USH2A: variants seen among roughly 807,000 people sequenced by gnomAD.
The protein encoded by USH2A is Usher syndrome 2A (autosomal recessive, mild).
Under a neutral mutation model 538.9 loss-of-function variants are expected in USH2A, and 443 were observed. The observed-to-expected ratio is 0.82, with a 90% confidence interval of 0.76 to 0.89. The LOEUF (loss-of-function observed/expected upper bound fraction) is 0.89. Ranked by LOEUF, USH2A falls within the 40% of genes least tolerant of loss-of-function variation. USH2A has a pLI of 0.00. For missense variants in USH2A, 6,633 were observed against 6,324.8 expected (o/e 1.05, Z -1.65); for synonymous variants, 2,413 against 2,273.5 (o/e 1.06, Z -1.75).
chr1:215,862,092 C>T (rs1341527893), intron 44 of USH2A, among the ~76,000 whole-genome samples: 5 of 152,078 alleles, frequency 3.3e-5, no homozygotes, highest in Non-Finnish European at 7.4e-5. Context: ...CCCACCTCGG[C>T]CTCCCAAAGT....
rs753605392 is a variant in USH2A at position 216,199,794 on chromosome 1, T to G, written c.3644A>C (p.Lys1215Thr). 4 of 1,614,024 alleles carry G rather than the reference T, an allele frequency of 2.5e-6. No individual in the cohort carries two copies. The South Asian group carries it at 4.4e-5, about 18-fold the overall frequency. The change falls in exon 17 of 72, where the codon AAG becomes ACG. Residue 1215 changes from lysine to threonine, a missense_variant. Lys to Thr is a moderately conservative substitution (Grantham distance 78, BLOSUM62 -1). Coordinates refer to ENST00000307340, the MANE Select transcript of USH2A (RefSeq NM_206933.4). ...ATIWNLVPFA[K>T]YDFSVQACTS... is the part of the protein sequence containing the mutation. ...ACACGCCTGTACAGAAAAATCGTAC[T>G]TGGCAAATGGAACCAGATTCCAGAT...
intron 19 of USH2A, among the ~76,000 whole-genome samples, chr1:216,195,167 A>C (rs2034810567): frequency 6.6e-6 from 1 of 152,150 alleles, no homozygotes; most frequent in Non-Finnish European, 1.5e-5. Context: ...GAATTGTCTC[A>C]GCCAAGTCTT....
At chr1:215,838,140 T>G (rs764279995) in intron 46 of USH2A, 37 bp from the exon 47 acceptor site, 40 of 1,502,678 alleles carry the variant, frequency 2.7e-5, no homozygotes, top group Admixed American at 3.3e-5. Context: ...AATGCAACCA[T>G]TTTTGAAATA....
At chr1:216,334,367 A>G (rs1032419343) in intron 4 of USH2A, among the ~76,000 whole-genome samples, 3 of 152,162 alleles carry the variant, frequency 2.0e-5, no homozygotes, top group African/African-American at 7.2e-5. Flanking sequence ...ATTATACACT[A>G]GAAGATAACT....
intron 21 of USH2A, among the ~76,000 whole-genome samples, chr1:216,142,776 G>A (rs928174804): frequency 3.3e-5 from 5 of 152,068 alleles, no homozygotes; most frequent in Non-Finnish European, 7.4e-5. Flanking sequence ...ACTTTCCTAT[G>A]CCAATTCTAA....
At position 216,157,163 on chromosome 1, in the gene USH2A, G is replaced by A. The variant is rs144170591; in HGVS notation, c.4627+18089C>T. ...CTGGATTACAGGTGTGAGCCACCGC[G>A]CCCAGCCAAACATACACTTCACAGA... On this transcript the variant is annotated intron_variant, in intron 21 of 71. Transcript: ENST00000307340. 4.1e-3 allele frequency among the ~76,000 whole-genome samples: 625 copies of A among 152,116 alleles called. 4 individuals are homozygous for A. Among genetic ancestry groups the A allele is most frequent in the African/African-American group, 0.014 (577 of 41,502 alleles).
In USH2A at chr1:216,046,206, T is replaced by G. The variant is rs368704927; in HGVS notation, c.6325+225A>C. ...TGCTTTAAATCATCTCTAGATTCCT[T>G]AGAATACCTAATACAATGTAAATGC... On this transcript the variant is annotated intron_variant, in intron 32 of 71. Transcript: ENST00000307340. 3.1e-4 allele frequency among the ~76,000 whole-genome samples: 47 copies of G among 152,224 alleles called. No individual in the cohort carries two copies. The East Asian group carries it at 8.7e-3, about 28-fold the overall frequency.
chr1:216,263,385 C>T (rs1411279339), intron 11 of USH2A, among the ~76,000 whole-genome samples: 2 of 152,026 alleles, frequency 1.3e-5, no homozygotes, highest in East Asian at 3.9e-4. Context: ...TACTGGCAGA[C>T]CGAATCCAAC....
chr1:215,630,482 GTATATATATATATATATATATATA>G (rs1158726890), intron 70 of USH2A, among the ~76,000 whole-genome samples: 1 of 22,554 alleles, frequency 4.4e-5, no homozygotes, highest in East Asian at 6.1e-4. Context: ...ATGTGTGTGT[GTATATATATATATATATATATATA>G]TATATATATA....
At chr1:215,963,136 A>T (rs2576001) in intron 37 of USH2A, among the ~76,000 whole-genome samples, 3,758 of 152,254 alleles carry the variant, frequency 0.025, 62 homozygotes, top group South Asian at 0.055. Context: ...GGAAATAACC[A>T]ATTAGCCATT....
At chr1:216,100,565 G>A (rs1039495658) in intron 21 of USH2A, among the ~76,000 whole-genome samples, 2 of 152,216 alleles carry the variant, frequency 1.3e-5, no homozygotes, top group Middle Eastern at 3.4e-3. Context: ...TACTCAGCTT[G>A]AGGTTATTTC....
At chr1:216,416,976 C>T (rs757908176) in intron 3 of USH2A, among the ~76,000 whole-genome samples, 1 of 152,054 alleles carries the variant, frequency 6.6e-6, no homozygotes, top group Non-Finnish European at 1.5e-5. Flanking sequence ...AGAATGGAGA[C>T]TTCAAGACAA....
At chr1:215,943,623 A>G (rs1272064396) in intron 37 of USH2A, among the ~76,000 whole-genome samples, 1 of 152,210 alleles carries the variant, frequency 6.6e-6, no homozygotes, top group East Asian at 1.9e-4. Flanking sequence ...AGCTTGATCC[A>G]GTGAAACAAT....
intron 3 of USH2A, among the ~76,000 whole-genome samples, chr1:216,366,836 C>T (rs145227884): frequency 6.6e-5 from 10 of 152,188 alleles, no homozygotes; most frequent in African/African-American, 4.8e-5. Flanking sequence ...GGATATATTC[C>T]GCTTTGTTGG....
At chr1:216,209,877 C>CT (rs1177766740) in intron 15 of USH2A, among the ~76,000 whole-genome samples, 1 of 152,198 alleles carries the variant, frequency 6.6e-6, no homozygotes, top group Non-Finnish European at 1.5e-5. Flanking sequence ...AAAATAGGGT[C>CT]TGTCTCTGTT....
chr1:215,798,769 A>AAT (rs1662211945), intron 50 of USH2A, 138 bp downstream of exon 50: 1 of 1,002,902 alleles, frequency 1.0e-6, no homozygotes, highest in South Asian at 1.4e-5. Context: ...TGTGTTAAAC[A>AAT]ATATGTTCCT....
chr1:216,396,517 A>G (rs541870603), intron 3 of USH2A, among the ~76,000 whole-genome samples: 27 of 152,310 alleles, frequency 1.8e-4, no homozygotes, highest in African/African-American at 5.5e-4. Flanking sequence ...GGATAAGCTT[A>G]CACTAATTAA....
At chr1:216,018,170 A>C (rs1173606588) in intron 32 of USH2A, among the ~76,000 whole-genome samples, 2 of 152,252 alleles carry the variant, frequency 1.3e-5, no homozygotes, top group African/African-American at 2.4e-5. Flanking sequence ...TCTTAGAAGT[A>C]GAATTTCCCA....
At chr1:215,771,533 T>A (rs1291133644) in intron 55 of USH2A, among the ~76,000 whole-genome samples, 6 of 116,200 alleles carry the variant, frequency 5.2e-5, no homozygotes. Flanking sequence ...TGAGCCGAGA[T>A]CCCGCCACTG....
Sources: allele counts gnomAD v4.1 joint callset (sites outside exome capture counted in the v4.1 genomes callset), GRCh38; gene constraint gnomAD v4.1.1; transcripts MANE v1.5; gene names NCBI Gene and HGNC (gene_info 2026-07-23, HGNC 2026-07-21).